The following ZNF385D variants were observed in gnomAD, a reference collection of about 807,000 sequenced individuals.
ZNF385D encodes zinc finger protein 385D, also known as zinc finger protein 659.
In ZNF385D, 15 loss-of-function variants were observed where a neutral mutation model predicts 35.8. That is an observed-to-expected ratio of 0.42 (90% CI 0.28 to 0.64). ZNF385D has a LOEUF of 0.64. Among genes scored for constraint, ZNF385D ranks in the 30% least tolerant of loss-of-function variants. The pLI is 0.23. For missense variants in ZNF385D, 474 were observed against 494.6 expected (o/e 0.96, Z 0.39); for synonymous variants, 212 against 186.8 (o/e 1.13, Z -1.10).
At chr3:21,939,219 T>G (rs1701401761) in intron 3 of ZNF385D, among the ~76,000 whole-genome samples, 1 of 152,226 alleles carries the variant, frequency 6.6e-6, no homozygotes, top group Non-Finnish European at 1.5e-5. Flanking sequence ...TAATTAGCAT[T>G]TATTGGGCTT....
chr3:21,847,892 T>C (rs1453239941), intron 3 of ZNF385D, among the ~76,000 whole-genome samples: 11 of 152,018 alleles, frequency 7.2e-5, no homozygotes, highest in Admixed American at 4.6e-4. Context: ...CAGTAAAACA[T>C]TGCTGACTAT....
intron 3 of ZNF385D, among the ~76,000 whole-genome samples, chr3:21,928,546 G>T (rs914386683): frequency 1.3e-5 from 2 of 152,084 alleles, no homozygotes; most frequent in Non-Finnish European, 2.9e-5. Flanking sequence ...GTTGCATGTG[G>T]AACATATTTC....
chr3:21,962,728 TTTTC>T (rs1460415481), intron 3 of ZNF385D, among the ~76,000 whole-genome samples: 5 of 152,190 alleles, frequency 3.3e-5, no homozygotes, highest in African/African-American at 1.2e-4. Context: ...AACCAGATGA[TTTTC>T]TTTTTCTGTC....
intron 2 of ZNF385D, among the ~76,000 whole-genome samples, chr3:22,267,316 C>T (rs562290715): frequency 6.6e-4 from 100 of 151,680 alleles, no homozygotes; most frequent in African/African-American, 2.3e-3. Context: ...CTTGTCATAA[C>T]CTAAGACAAT....
chr3:21,997,174 A>C (rs912165480), intron 3 of ZNF385D, among the ~76,000 whole-genome samples: 3 of 152,204 alleles, frequency 2.0e-5, no homozygotes, highest in African/African-American at 7.2e-5. Flanking sequence ...AGCTGTAAAA[A>C]AGGGTGAGTT....
chr3:22,095,601 A>T (rs771557375), intron 3 of ZNF385D, among the ~76,000 whole-genome samples: 15 of 152,060 alleles, frequency 9.9e-5, no homozygotes, highest in Non-Finnish European at 1.8e-4. Flanking sequence ...CTCCTACTGT[A>T]ACTAGTTTTT....
At chr3:21,864,013 T>C (rs1697198063) in intron 3 of ZNF385D, among the ~76,000 whole-genome samples, 1 of 152,166 alleles carries the variant, frequency 6.6e-6, no homozygotes, top group Non-Finnish European at 1.5e-5. Context: ...GGTTCATGGA[T>C]TATACGTTGT....
intron 2 of ZNF385D, among the ~76,000 whole-genome samples, chr3:22,203,610 A>T (rs1367284770): frequency 6.6e-6 from 1 of 152,124 alleles, no homozygotes; most frequent in Non-Finnish European, 1.5e-5. Flanking sequence ...ATCATGGGCC[A>T]GAGGGAAGCC....
intron 1 of ZNF385D, among the ~76,000 whole-genome samples, chr3:21,725,474 G>A (rs762217468): frequency 6.6e-6 from 1 of 151,988 alleles, no homozygotes; most frequent in African/African-American, 2.4e-5. Flanking sequence ...GAATCAAATA[G>A]ATGCAATAAA....
chr3:22,281,848 G>A (rs764803996), intron 2 of ZNF385D, among the ~76,000 whole-genome samples: 2 of 151,976 alleles, frequency 1.3e-5, no homozygotes, highest in Non-Finnish European at 2.9e-5. Context: ...ATAGAATTTA[G>A]CTGTGAATCT....
intron 3 of ZNF385D, among the ~76,000 whole-genome samples, chr3:22,106,734 C>G (rs896730850): frequency 6.6e-6 from 1 of 152,186 alleles, no homozygotes; most frequent in African/African-American, 2.4e-5. Context: ...AGAATCCCTA[C>G]AAATTGCCTC....
In ZNF385D at chr3:21,646,717, C is replaced by G. The variant is rs1264726455; in HGVS notation, c.165+18169G>C. On this transcript the variant is annotated intron_variant, in intron 2 of 7. Transcript: ENST00000281523. The surrounding 1 kb of genome is among the most constrained non-coding windows in gnomAD (Gnocchi z 4.3). ...ACTTCTCAACCATCAGAGGCCTGTA[C>G]AGACCCTTCCAGTTACTTTCCTTCC... Among the ~76,000 whole-genome samples the G allele has an allele frequency of 4.6e-5, 7 of 152,182 alleles. No individual in the cohort carries two copies. The highest frequency in any genetic ancestry group is 7.2e-5 in the African/African-American group (3 of 41,458).
intron 3 of ZNF385D, among the ~76,000 whole-genome samples, chr3:22,047,132 A>C (rs138372835): frequency 3.9e-5 from 6 of 152,142 alleles, no homozygotes; most frequent in Non-Finnish European, 8.8e-5. Context: ...AATAAAAATT[A>C]TACACATGTA....
intron 3 of ZNF385D, among the ~76,000 whole-genome samples, chr3:21,766,257 T>C (rs968393940): frequency 2.0e-5 from 3 of 152,112 alleles, no homozygotes; most frequent in Non-Finnish European, 2.9e-5. Context: ...CATAGAAAGA[T>C]GAGAGTAATG....
intron 2 of ZNF385D, among the ~76,000 whole-genome samples, chr3:21,568,876 T>C (rs1206783606): frequency 2.0e-5 from 3 of 152,198 alleles, no homozygotes; most frequent in East Asian, 1.9e-4. Context: ...AAACTTCAGA[T>C]ATATTTCACC....
At chr3:22,258,080 T>C (rs776258270) in intron 2 of ZNF385D, among the ~76,000 whole-genome samples, 2 of 151,794 alleles carry the variant, frequency 1.3e-5, no homozygotes, top group South Asian at 2.1e-4. Flanking sequence ...TGAGATATAA[T>C]AGAGTAAACT....
At chr3:22,010,060 C>G (rs1156594912) in intron 3 of ZNF385D, among the ~76,000 whole-genome samples, 1 of 151,938 alleles carries the variant, frequency 6.6e-6, no homozygotes, top group Non-Finnish European at 1.5e-5. Flanking sequence ...CACAATTAAG[C>G]TAATCATCTG....
chr3:21,840,276 A>G (rs903555752), intron 3 of ZNF385D, among the ~76,000 whole-genome samples: 2 of 152,076 alleles, frequency 1.3e-5, no homozygotes, highest in African/African-American at 4.8e-5. Context: ...CACAGAAACA[A>G]ACAATTAAGA....
chr3:21,523,783 TTGAA>T (rs1236988555), intron 3 of ZNF385D, among the ~76,000 whole-genome samples: 1 of 151,870 alleles, frequency 6.6e-6, no homozygotes, highest in African/African-American at 2.4e-5. Context: ...TTTTTTTTTT[TTGAA>T]AAAAGAAATA....
Sources: gnomAD v4.1 joint callset for allele counts (sites outside exome capture counted in the v4.1 genomes callset) on GRCh38, gnomAD v4.1.1 for gene constraint, Gnocchi (gnomAD v3.1) non-coding constraint, MANE v1.5 for transcripts, NCBI Gene and HGNC (gene_info 2026-07-23, HGNC 2026-07-21) for gene names.